The following COMMD10 variants were observed in gnomAD, a reference collection of about 807,000 sequenced individuals.
The protein encoded by COMMD10 is COMM domain-containing protein 10.
Under a neutral mutation model 28.9 loss-of-function variants are expected in COMMD10, and 33 were observed. The ratio of observed to expected loss-of-function variants is 1.14; its 90% confidence interval spans 0.87 to 1.53. The LOEUF is 1.53. COMMD10 is among the 40% of genes most tolerant of loss of function. COMMD10 has a pLI of 0.00. For synonymous variants in COMMD10, 110 were observed against 81.7 expected (o/e 1.35, Z -1.87); for missense variants, 310 against 233.4 (o/e 1.33, Z -2.14).
chr5:116,227,588 G>T (rs551124408), intron 5 of COMMD10, among the ~76,000 whole-genome samples: 2 of 152,156 alleles, frequency 1.3e-5, no homozygotes, highest in African/African-American at 4.8e-5. Context: ...TACCTGTGGG[G>T]GTTATGGAAC....
intron 5 of COMMD10, among the ~76,000 whole-genome samples, chr5:116,279,822 A>C (rs1185052187): frequency 6.6e-6 from 1 of 151,774 alleles, no homozygotes; most frequent in Non-Finnish European, 1.5e-5. Context: ...GAAATTGAAG[A>C]CTTTAACCTT....
At chr5:116,210,543 A>T (rs1748934392) in intron 5 of COMMD10, among the ~76,000 whole-genome samples, 1 of 152,104 alleles carries the variant, frequency 6.6e-6, no homozygotes, top group Admixed American at 6.6e-5. Flanking sequence ...ATATTTGTTG[A>T]CAAGTAATAG....
At chr5:116,264,371 T>G (rs1416083736) in intron 5 of COMMD10, among the ~76,000 whole-genome samples, 1 of 151,854 alleles carries the variant, frequency 6.6e-6, no homozygotes, top group East Asian at 1.9e-4. Context: ...AAATTACTGC[T>G]TAGTGAAAAC....
At chr5:116,142,763 T>G (rs1192966118) in intron 5 of COMMD10, among the ~76,000 whole-genome samples, 1 of 151,792 alleles carries the variant, frequency 6.6e-6, no homozygotes, top group Admixed American at 6.6e-5. Context: ...GCTTTTGTTA[T>G]GTGTATTTTG....
intron 4 of COMMD10, among the ~76,000 whole-genome samples, chr5:116,119,214 A>G (rs148719169): frequency 1.3e-5 from 2 of 152,190 alleles, no homozygotes; most frequent in African/African-American, 4.8e-5. Context: ...TCTGTGGGTC[A>G]AGGGATATAA....
At chr5:116,290,386 T>C (rs1417553712) in intron 5 of COMMD10, among the ~76,000 whole-genome samples, 2 of 131,346 alleles carry the variant, frequency 1.5e-5, no homozygotes, top group East Asian at 2.3e-4. Flanking sequence ...TACTTAGATA[T>C]ATGAGAGAAA....
At position 116,292,848 on chromosome 5, in the gene COMMD10, C is replaced by T. The variant is rs1031593846; in HGVS notation, c.*359C>T. On this transcript the variant is annotated 3_prime_UTR_variant, in exon 7 of 7. Coordinates refer to ENST00000274458, the MANE Select transcript of COMMD10 (RefSeq NM_016144.4). ...ATGTATCAAGGAGCGTCCATGGATA[C>T]AAGATAAGATGTGTACCTTAGTAGA... The T allele has an allele frequency of 5.1e-6, 2 of 394,652 alleles. No individual in the cohort carries two copies. The highest frequency in any genetic ancestry group is 8.9e-6 in the Non-Finnish European group (2 of 224,162). 24.4% of individuals were successfully genotyped at this position (394,652 alleles called of 1,614,324 possible).
At chr5:116,191,993 T>C (rs1207242226) in intron 5 of COMMD10, among the ~76,000 whole-genome samples, 2 of 151,368 alleles carry the variant, frequency 1.3e-5, no homozygotes, top group African/African-American at 2.4e-5. Flanking sequence ...GATGTGATAT[T>C]GTGCAGACAA....
chr5:116,169,276 C>T (rs966337551), intron 5 of COMMD10, among the ~76,000 whole-genome samples: 11 of 152,104 alleles, frequency 7.2e-5, no homozygotes, highest in African/African-American at 2.4e-4. Flanking sequence ...TGTACACATA[C>T]ACCTCCCAAG....
chr5:116,185,918 A>C (rs1748120631), intron 5 of COMMD10, among the ~76,000 whole-genome samples: 1 of 152,062 alleles, frequency 6.6e-6, no homozygotes, highest in South Asian at 2.1e-4. Flanking sequence ...CTCTGTACCA[A>C]CCAGCAAGAA....
chr5:116,195,318 A>G (rs1561661463), intron 5 of COMMD10, among the ~76,000 whole-genome samples: 1 of 152,192 alleles, frequency 6.6e-6, no homozygotes, highest in African/African-American at 2.4e-5. Context: ...TAGCCAGAGC[A>G]GTCAGACAAG....
chr5:116,292,993 A>G lies in COMMD10; in HGVS notation c.*504A>G. Reference sequence around the variant, plus strand: ...ATTTTGCTTCGGAAATAATATAGGAAGGAAATGTAAAATAGTGAGTAGTAT... The same window carrying G: ...ATTTTGCTTCGGAAATAATATAGGAGGGAAATGTAAAATAGTGAGTAGTAT... On this transcript the variant is annotated 3_prime_UTR_variant, in exon 7 of 7. Coordinates refer to ENST00000274458, the MANE Select transcript of COMMD10 (RefSeq NM_016144.4). The G allele has an allele frequency of 2.5e-6, 1 of 397,362 alleles. No individual in the cohort carries two copies. Among genetic ancestry groups the G allele is most frequent in the Non-Finnish European group, 4.4e-6 (1 of 225,232 alleles). The allele number at this position is 397,362 out of a possible 1,614,324, so 24.6% of individuals were successfully genotyped here.
At chr5:116,155,283 A>G (rs1283469238) in intron 5 of COMMD10, among the ~76,000 whole-genome samples, 1 of 152,130 alleles carries the variant, frequency 6.6e-6, no homozygotes, top group African/African-American at 2.4e-5. Context: ...TCACATAAAT[A>G]TGAAGTTTCT....
At chr5:116,227,254 T>A (rs1749416368) in intron 5 of COMMD10, among the ~76,000 whole-genome samples, 1 of 152,078 alleles carries the variant, frequency 6.6e-6, no homozygotes, top group South Asian at 2.1e-4. Flanking sequence ...CCTTGTTTTC[T>A]CGTTAATGGA....
chr5:116,169,110 TAAAG>T (rs1236604814), intron 5 of COMMD10, among the ~76,000 whole-genome samples: 6 of 151,800 alleles, frequency 4.0e-5, no homozygotes, highest in African/African-American at 1.5e-4. Context: ...GCCACACTAA[TAAAG>T]AAGAAAAGAG....
chr5:116,236,937 C>T (rs187869991), intron 5 of COMMD10, among the ~76,000 whole-genome samples: 264 of 151,766 alleles, frequency 1.7e-3, no homozygotes, highest in African/African-American at 5.9e-3. Context: ...AATTTTGCTG[C>T]GAAACTAAAG....
chr5:116,230,197 A>C (rs1749495608), intron 5 of COMMD10, among the ~76,000 whole-genome samples: 2 of 152,022 alleles, frequency 1.3e-5, no homozygotes, highest in South Asian at 2.1e-4. Context: ...CCATGTAACA[A>C]AGCAGCCTTA....
At chr5:116,195,022 A>G (rs1273888583) in intron 5 of COMMD10, among the ~76,000 whole-genome samples, 2 of 152,226 alleles carry the variant, frequency 1.3e-5, no homozygotes, top group Admixed American at 1.3e-4. Flanking sequence ...TATACAAGTC[A>G]ATAAATGTGA....
intron 5 of COMMD10, among the ~76,000 whole-genome samples, chr5:116,225,664 C>T (rs1443737417): frequency 1.3e-5 from 2 of 152,068 alleles, no homozygotes; most frequent in Non-Finnish European, 2.9e-5. Context: ...TCAGAATTTC[C>T]TCCTAATTGA....
Sources: gnomAD v4.1 joint callset for allele counts (sites outside exome capture counted in the v4.1 genomes callset) on GRCh38, gnomAD v4.1.1 for gene constraint, MANE v1.5 for transcripts, NCBI Gene and HGNC (gene_info 2026-07-23, HGNC 2026-07-21) for gene names.